Variants in SGCZ observed in about 807,000 individuals in gnomAD.
SGCZ encodes zeta-sarcoglycan.
A neutral mutation model predicts 41.3 loss-of-function variants in SGCZ; 40 were observed. The ratio of observed to expected loss-of-function variants is 0.97; its 90% CI spans 0.75 to 1.26. The LOEUF (loss-of-function observed/expected upper bound fraction) is 1.26. SGCZ is among the 50% of genes most tolerant of loss of function. The probability of loss-of-function intolerance (pLI) is 0.00; values close to 1 mark genes in which losing one functional copy is unlikely to be tolerated. For missense variants in SGCZ, 552 were observed against 369.8 expected (o/e 1.49, Z -4.04); for synonymous variants, 206 against 137.5 (o/e 1.50, Z -3.49).
At chr8:14,948,205 T>C (rs1196658340) in intron 1 of SGCZ, among the ~76,000 whole-genome samples, 1 of 152,110 alleles carries the variant, frequency 6.6e-6, no homozygotes, top group Non-Finnish European at 1.5e-5. Flanking sequence ...AGGAGGCATA[T>C]GGAAAAAATA....
chr8:14,360,400 G>C (rs147274666), intron 2 of SGCZ, among the ~76,000 whole-genome samples: 1 of 150,940 alleles, frequency 6.6e-6, no homozygotes, highest in African/African-American at 2.4e-5. Context: ...ATCTCAACTC[G>C]CTGTAACCTC....
At chr8:14,952,022 C>G (rs1013698695) in intron 1 of SGCZ, among the ~76,000 whole-genome samples, 4 of 151,904 alleles carry the variant, frequency 2.6e-5, no homozygotes, top group African/African-American at 9.7e-5. Context: ...TTATTTGATA[C>G]TCACCTGGTG....
intron 1 of SGCZ, among the ~76,000 whole-genome samples, chr8:15,104,674 A>G (rs1806750209): frequency 7.9e-6 from 1 of 125,986 alleles, no homozygotes; most frequent in African/African-American, 3.0e-5. Flanking sequence ...AACCACGTGT[A>G]AAACTTGTTT....
chr8:14,690,005 G>C (rs1220201184), intron 1 of SGCZ, among the ~76,000 whole-genome samples: 1 of 152,070 alleles, frequency 6.6e-6, no homozygotes, highest in Non-Finnish European at 1.5e-5. Flanking sequence ...AATGAATTAA[G>C]CAATGGTGAA....
chr8:14,772,046 T>C (rs1312966534), intron 1 of SGCZ, among the ~76,000 whole-genome samples: 2 of 152,190 alleles, frequency 1.3e-5, no homozygotes, highest in African/African-American at 2.4e-5. Flanking sequence ...GTAGAAACTG[T>C]ACTTTGAGCA....
At chr8:14,567,763 C>G (rs766452062) in intron 1 of SGCZ, among the ~76,000 whole-genome samples, 4 of 151,688 alleles carry the variant, frequency 2.6e-5, no homozygotes, top group Non-Finnish European at 4.4e-5. Context: ...CTCCTGAAAC[C>G]AGGGAGACCA....
At chr8:14,930,970 A>G (rs1799908946) in intron 1 of SGCZ, among the ~76,000 whole-genome samples, 4 of 152,066 alleles carry the variant, frequency 2.6e-5, no homozygotes, top group Admixed American at 1.3e-4. Flanking sequence ...CTATGTAACA[A>G]ACCGGTACGT....
rs570671087 is a variant in SGCZ at position 14,111,040 on chromosome 8, G to A, written c.548-2805C>T. Among the ~76,000 whole-genome samples the A allele has an allele frequency of 5.5e-4, 82 of 148,294 alleles. 1 individual carries two copies. Among genetic ancestry groups the A allele is most frequent in the Non-Finnish European group, 9.5e-4 (64 of 67,678 alleles). On this transcript the variant is annotated intron_variant, in intron 5 of 7. Coordinates refer to ENST00000382080, the MANE Select transcript of SGCZ (RefSeq NM_139167.4). ...CTGCATTCTAGCCTGGGCAACAAAC[G>A]GAGACTATATTAAAAATAATAACAA...
chr8:14,104,285 T>TCA lies in SGCZ; in HGVS notation c.621-1788_621-1787dup, dbSNP rs1802133462. 2.0e-5 allele frequency among the ~76,000 whole-genome samples: 3 copies of TCA among 152,274 alleles called. No individual in the cohort carries two copies. The South Asian group carries it at 6.2e-4, about 32-fold the overall frequency. ...ATAGCAGTAAGTTTCAGACTGGCTT[T>TCA]CACAGTGGGTACCTGGGATTATGGC... is the stretch of plus-strand genomic sequence containing the variant. On this transcript the variant is annotated intron_variant, in intron 6 of 7. Transcript: ENST00000382080.
Position 14,659,263 on chromosome 8 carries a change from T to C in SGCZ, c.40-104337A>G, listed in dbSNP as rs962187365. 8.9e-4 allele frequency among the ~76,000 whole-genome samples: 136 copies of C among 152,242 alleles called. 1 individual carries two copies. Among genetic ancestry groups the C allele is most frequent in the African/African-American group, 3.2e-3 (131 of 41,552 alleles). Reference sequence around the variant, plus strand: ...TGAGTGTCATCACCGCCAGAGATGATAAATGCTTAAAGTGCTGAATATGGT... The same window carrying C: ...TGAGTGTCATCACCGCCAGAGATGACAAATGCTTAAAGTGCTGAATATGGT... On this transcript the variant is annotated intron_variant, in intron 1 of 7. Transcript: ENST00000382080.
At chr8:14,186,975 C>T (rs982031798) in intron 4 of SGCZ, among the ~76,000 whole-genome samples, 2 of 152,036 alleles carry the variant, frequency 1.3e-5, no homozygotes, top group Admixed American at 1.3e-4. Context: ...GCAATTCATG[C>T]CCCAGATCAT....
intron 1 of SGCZ, among the ~76,000 whole-genome samples, chr8:15,228,893 T>A (rs73524830): frequency 3.9e-5 from 6 of 152,164 alleles, no homozygotes; most frequent in Non-Finnish European, 8.8e-5. Flanking sequence ...TAGCTCTTGA[T>A]AAATTTTTGA....
intron 1 of SGCZ, among the ~76,000 whole-genome samples, chr8:14,618,104 C>A (rs1432576964): frequency 1.3e-5 from 2 of 151,790 alleles, no homozygotes; most frequent in Non-Finnish European, 2.9e-5. Context: ...ATTTATGGAG[C>A]AAAACTATGT....
At chr8:14,846,412 A>T (rs1803103242) in intron 1 of SGCZ, among the ~76,000 whole-genome samples, 2 of 152,118 alleles carry the variant, frequency 1.3e-5, no homozygotes, top group Non-Finnish European at 2.9e-5. Context: ...CTGAATAGAT[A>T]AGTTAACGTA....
intron 5 of SGCZ, among the ~76,000 whole-genome samples, chr8:14,150,829 G>C (rs1291013474): frequency 6.6e-6 from 1 of 152,122 alleles, no homozygotes; most frequent in Non-Finnish European, 1.5e-5. Flanking sequence ...ACATAATGGA[G>C]TACTGTTTTG....
chr8:14,887,375 C>T (rs1032337883), intron 1 of SGCZ, among the ~76,000 whole-genome samples: 8 of 152,122 alleles, frequency 5.3e-5, no homozygotes, highest in Non-Finnish European at 1.0e-4. Context: ...TCCTAAAACA[C>T]TGTGCCAATT....
At chr8:14,548,017 G>A (rs553711798) in intron 2 of SGCZ, among the ~76,000 whole-genome samples, 16 of 152,290 alleles carry the variant, frequency 1.1e-4, no homozygotes, top group African/African-American at 3.6e-4. Flanking sequence ...TGGAAGGGCA[G>A]AATATGGATA....
chr8:14,291,518 T>C (rs1201925111), intron 3 of SGCZ, among the ~76,000 whole-genome samples: 1 of 152,048 alleles, frequency 6.6e-6, no homozygotes, highest in Non-Finnish European at 1.5e-5. Context: ...ACACTTTAGC[T>C]TTGAAGTAAT....
intron 1 of SGCZ, among the ~76,000 whole-genome samples, chr8:15,059,179 T>C (rs979951987): frequency 6.6e-6 from 1 of 152,184 alleles, no homozygotes; most frequent in African/African-American, 2.4e-5. Context: ...ACTCTTTCAG[T>C]ATAGATATTC....
Sources: gnomAD v4.1 joint callset for allele counts (sites outside exome capture counted in the v4.1 genomes callset) on GRCh38, gnomAD v4.1.1 for gene constraint, MANE v1.5 for transcripts, NCBI Gene and HGNC (gene_info 2026-07-23, HGNC 2026-07-21) for gene names.